The following RAPGEF6 variants were observed in gnomAD, a reference collection of about 807,000 sequenced individuals.
RAPGEF6 encodes Rap guanine nucleotide exchange factor 6.
In RAPGEF6, 56 loss-of-function variants were observed where a neutral mutation model predicts 171.4. The ratio of observed to expected loss-of-function variants is 0.33; its 90% confidence interval spans 0.26 to 0.41. The LOEUF is 0.41. RAPGEF6 is among the 10% of genes least tolerant of loss of function. The pLI, the probability that RAPGEF6 is intolerant of heterozygous loss-of-function variation, is 1.00. For missense variants in RAPGEF6, 1,674 were observed against 1,921.4 expected, an observed-to-expected ratio of 0.87 and a Z score of 2.41; for synonymous variants, 692 against 650.1, an observed-to-expected ratio of 1.06 and a Z score of -0.98.
At chr5:131,456,386 G>A (rs1300985531) in intron 19 of RAPGEF6, among the ~76,000 whole-genome samples, 1 of 152,124 alleles carries the variant, frequency 6.6e-6, no homozygotes, top group African/African-American at 2.4e-5. Context: ...AGCGGTTTAA[G>A]TAATGCTGAG....
intron 6 of RAPGEF6, among the ~76,000 whole-genome samples, chr5:131,522,917 T>G (rs1758596318): frequency 6.6e-6 from 1 of 152,166 alleles, no homozygotes; most frequent in Non-Finnish European, 1.5e-5. Context: ...CAATGCCTGA[T>G]GCTAAAATAA....
intron 3 of RAPGEF6, among the ~76,000 whole-genome samples, chr5:131,595,718 C>A (rs1213511224): frequency 1.4e-4 from 22 of 151,964 alleles, no homozygotes; most frequent in Admixed American, 1.4e-3. Context: ...GGAATAAATC[C>A]TTACCTATAA....
chr5:131,465,764 C>A (rs751926951), intron 17 of RAPGEF6, among the ~76,000 whole-genome samples: 2 of 151,896 alleles, frequency 1.3e-5, no homozygotes, highest in Non-Finnish European at 2.9e-5. Flanking sequence ...CTCTGGGCAA[C>A]AGAGTAAGAC....
At chr5:131,620,592 T>TC (rs1224755380) in intron 1 of RAPGEF6, among the ~76,000 whole-genome samples, 1 of 152,030 alleles carries the variant, frequency 6.6e-6, no homozygotes, top group Non-Finnish European at 1.5e-5. Flanking sequence ...CTTTTTTTTT[T>TC]CTTTTCTTTT....
At chr5:131,459,457 C>G (rs1055555884) in intron 19 of RAPGEF6, among the ~76,000 whole-genome samples, 9 of 152,138 alleles carry the variant, frequency 5.9e-5, no homozygotes, top group Non-Finnish European at 1.2e-4. Flanking sequence ...CAAGTGCCAA[C>G]ACTGGATTCA....
chr5:131,460,786 T>C (rs1753867723), intron 19 of RAPGEF6, among the ~76,000 whole-genome samples: 1 of 152,152 alleles, frequency 6.6e-6, no homozygotes. Flanking sequence ...TAAAGGCACA[T>C]CCTATTACCA....
chr5:131,592,980 C>A (rs1763679679), intron 3 of RAPGEF6, among the ~76,000 whole-genome samples: 1 of 152,038 alleles, frequency 6.6e-6, no homozygotes, highest in Non-Finnish European at 1.5e-5. Context: ...AAAGATAATA[C>A]CTGTAATAGG....
chr5:131,471,796 A>C (rs547425647), intron 17 of RAPGEF6, among the ~76,000 whole-genome samples: 1 of 152,228 alleles, frequency 6.6e-6, no homozygotes, highest in African/African-American at 2.4e-5. Context: ...AATGAAAATT[A>C]TGCTATAACG....
chr5:131,472,893 T>C (rs951147483), intron 16 of RAPGEF6, 149 bp from the exon 17 acceptor site: 11 of 654,630 alleles, frequency 1.7e-5, no homozygotes, highest in African/African-American at 7.3e-5. Context: ...TAAAAGACAA[T>C]TGTAATGATG....
chr5:131,507,100 C>T (rs1447821662), intron 9 of RAPGEF6, among the ~76,000 whole-genome samples: 1 of 148,708 alleles, frequency 6.7e-6, no homozygotes, highest in Non-Finnish European at 1.5e-5. Context: ...TAATAATTTA[C>T]TTAACCATCG....
chr5:131,479,422 A>T, intron 16 of RAPGEF6, 91 bp downstream of exon 16: 1 of 1,422,500 alleles, frequency 7.0e-7, no homozygotes, highest in East Asian at 2.3e-5. Flanking sequence ...TATATAACAA[A>T]GCAAAACTTA....
At chr5:131,512,747 T>C (rs1757819516) in intron 7 of RAPGEF6, among the ~76,000 whole-genome samples, 1 of 152,108 alleles carries the variant, frequency 6.6e-6, no homozygotes, top group African/African-American at 2.4e-5. Flanking sequence ...AGTGGGGCCT[T>C]TGGGAAGTGA....
At chr5:131,524,589 G>C (rs531526494) in intron 6 of RAPGEF6, among the ~76,000 whole-genome samples, 6 of 132,724 alleles carry the variant, frequency 4.5e-5, no homozygotes, top group African/African-American at 1.4e-4. Flanking sequence ...GAGAGGGAGA[G>C]GGAGGGGGGA....
chr5:131,438,617 G>T (rs1752178010), intron 24 of RAPGEF6, among the ~76,000 whole-genome samples: 2 of 152,172 alleles, frequency 1.3e-5, no homozygotes, highest in African/African-American at 4.8e-5. Flanking sequence ...AGTGTGAAGG[G>T]TCAATATAAG....
intron 4 of RAPGEF6, among the ~76,000 whole-genome samples, chr5:131,564,965 G>A (rs1460870141): frequency 1.3e-5 from 2 of 151,978 alleles, no homozygotes; most frequent in Admixed American, 6.6e-5. Context: ...CCATCTATTA[G>A]TTTTAGCATT....
At chr5:131,586,462 C>G (rs1763261539) in intron 4 of RAPGEF6, among the ~76,000 whole-genome samples, 1 of 152,146 alleles carries the variant, frequency 6.6e-6, no homozygotes, top group Non-Finnish European at 1.5e-5. Flanking sequence ...GAAACCCTGT[C>G]TCTACTAAAA....
intron 7 of RAPGEF6, among the ~76,000 whole-genome samples, chr5:131,516,671 T>G (rs988274412): frequency 3.3e-5 from 5 of 152,210 alleles, no homozygotes; most frequent in African/African-American, 9.6e-5. Context: ...TGGAAAAGAC[T>G]GAAATAAATA....
At chr5:131,521,692 T>C (rs1369841636) in intron 6 of RAPGEF6, among the ~76,000 whole-genome samples, 171 bp from the exon 7 acceptor site, 1 of 152,164 alleles carries the variant, frequency 6.6e-6, no homozygotes, top group East Asian at 1.9e-4. Flanking sequence ...TGGTACTCTC[T>C]GAAACTATTA....
intron 17 of RAPGEF6, among the ~76,000 whole-genome samples, chr5:131,467,408 G>GA (rs1754435273): frequency 6.6e-6 from 1 of 152,192 alleles, no homozygotes; most frequent in Admixed American, 6.5e-5. Flanking sequence ...TGTCAACTTG[G>GA]AAAAGCAATG....
Sources: gnomAD v4.1 joint callset for allele counts (sites outside exome capture counted in the v4.1 genomes callset) on GRCh38, gnomAD v4.1.1 for gene constraint, MANE v1.5 for transcripts, NCBI Gene and HGNC (gene_info 2026-07-23, HGNC 2026-07-21) for gene names.